Variants in OSBPL7 observed in about 807,000 individuals in gnomAD.
OSBPL7 encodes the protein oxysterol-binding protein-related protein 7.
Under a neutral mutation model 115.8 loss-of-function variants are expected in OSBPL7, and 66 were observed. That is an observed-to-expected ratio of 0.57 (90% confidence interval 0.47 to 0.70). The LOEUF is 0.70. Among genes scored for constraint, OSBPL7 ranks in the 30% least tolerant of loss-of-function variants. OSBPL7 has a pLI of 0.00. For synonymous variants in OSBPL7, 441 were observed against 439.2 expected (o/e 1.00, Z -0.05); for missense variants, 902 against 1,125.5 (o/e 0.80, Z 2.84).
chr17:47,819,918 C>CCCT, intron 3 of OSBPL7, 53 bp downstream of exon 3: 1 of 1,517,048 alleles, frequency 6.6e-7, no homozygotes, highest in Non-Finnish European at 9.1e-7. Flanking sequence ...AGCTGCCCCC[C>CCCT]ATTCCCACCC....
intron 16 of OSBPL7, 123 bp downstream of exon 16, chr17:47,813,143 C>T (rs1598016879): frequency 5.2e-6 from 7 of 1,352,696 alleles, no homozygotes; most frequent in Non-Finnish European, 7.0e-6. Context: ...GAGCCCGGCA[C>T]AGAGCCAACT....
rs1228677489 is a variant in OSBPL7 at position 47,813,934 on chromosome 17, C to G, written c.1352-100G>C. 3.5e-6 allele frequency: 5 copies of G among 1,426,708 alleles called. No homozygotes were observed. In the East Asian group the frequency reaches 1.2e-4, roughly 35 times the overall value. 88.4% of individuals were successfully genotyped at this position (1,426,708 alleles called of 1,614,324 possible). ...CAGGGCCCAGCTGCCTCCCAAGCCC[C>G]TGGGACATTCGCCCCTGAGCCCTTG... On this transcript the variant is annotated intron_variant, in intron 14 of 22. Coordinates refer to ENST00000007414, the MANE Select transcript of OSBPL7 (RefSeq NM_145798.3).
At position 47,816,612 on chromosome 17, in the gene OSBPL7, G is replaced by GGGA; in HGVS notation, c.878_879insTCC (p.Pro293dup). 1 of 1,613,788 alleles carries GGGA rather than the reference G, an allele frequency of 6.2e-7. No homozygotes were observed. The highest frequency in any genetic ancestry group is 8.5e-7 in the Non-Finnish European group (1 of 1,179,930). On this transcript the variant is annotated inframe_insertion, in exon 10 of 23. Coordinates refer to ENST00000007414, the MANE Select transcript of OSBPL7 (RefSeq NM_145798.3). The surrounding 1 kb of genome is among the most constrained non-coding windows in gnomAD (Gnocchi z 5.8). Reference sequence around the variant, plus strand: ...TGCGCTGCAGGTGGGCATAGTCTGTGGGTGGCAGCCCACGGGTGCCCGAGG... The same window carrying GGGA: ...TGCGCTGCAGGTGGGCATAGTCTGTGGGAGGTGGCAGCCCACGGGTGCCCGAGG...
At chr17:47,814,764 C>A (rs1254056562) in intron 13 of OSBPL7, 150 bp from the exon 14 acceptor site, 38 of 672,912 alleles carry the variant, frequency 5.6e-5, no homozygotes, top group South Asian at 5.3e-4. Context: ...TAAGACATTG[C>A]CCCGGGATGC....
At position 47,820,013 on chromosome 17, in the gene OSBPL7, G is replaced by A. The variant is rs1208542896; in HGVS notation, c.159C>T (p.His53=). ...EGVMPERQEG[H]LLKKRKWPLK... ...GAGGCCACTTCCTCTTCTTGAGCAG[G>A]TGACCTTCCTGCCTCTCAGGCATGA... Residue 53 remains histidine (H), a synonymous_variant, in exon 3 of 23, where the codon CAC becomes CAT. Transcript: ENST00000007414. 6.2e-7 allele frequency: 1 copy of A among 1,611,460 alleles called. No homozygotes were observed. Among genetic ancestry groups the A allele is most frequent in the Non-Finnish European group, 8.5e-7 (1 of 1,179,854 alleles).
intron 3 of OSBPL7, 59 bp downstream of exon 3, chr17:47,819,912 G>GCCCCCCCTTGCCCCCCCCC: frequency 2.7e-6 from 4 of 1,485,428 alleles, no homozygotes; most frequent in Non-Finnish European, 3.7e-6. Context: ...CCCAGCAGCT[G>GCCCCCCCTTGCCCCCCCCC]CCCCCCATTC....
Position 47,820,284 on chromosome 17 carries a change from A to C in OSBPL7, c.-6T>G. The C allele has an allele frequency of 6.2e-7, 1 of 1,613,056 alleles. No homozygotes were observed. Among genetic ancestry groups the C allele is most frequent in the Non-Finnish European group, 8.5e-7 (1 of 1,179,528 alleles). On this transcript the variant is annotated 5_prime_UTR_variant, in exon 2 of 23. Coordinates refer to ENST00000007414, the MANE Select transcript of OSBPL7 (RefSeq NM_145798.3). ...TCCCTCTCTTGGAAGTCCATGGAGA[A>C]GGGAGAGGCCACTCCCTGCTGGGGA...
intron 18 of OSBPL7, among the ~76,000 whole-genome samples, chr17:47,810,129 T>G (rs1026986021): frequency 1.3e-5 from 2 of 152,186 alleles, no homozygotes; most frequent in African/African-American, 4.8e-5. Context: ...ATCCAGGATC[T>G]CTACCACAAC....
chr17:47,813,281 G>A lies in OSBPL7; in HGVS notation c.1722C>T (p.Arg574=). The change falls in exon 16 of 23, where the codon CGC becomes CGT. Residue 574 remains arginine, a synonymous_variant. Coordinates refer to ENST00000007414, the MANE Select transcript of OSBPL7 (RefSeq NM_145798.3). ...AAGGCCATACCTGCTCACTGATGAA[G>A]CGGAAGCCTCGGTCAGGCCGCTCAC... ...YECERPDRGF[R]FISEQVSHHP... 1 of 1,614,002 alleles carries A rather than the reference G, an allele frequency of 6.2e-7. No individual in the cohort carries two copies. Among genetic ancestry groups the A allele is most frequent in the Non-Finnish European group, 8.5e-7 (1 of 1,180,036 alleles).
At chr17:47,821,027 G>A (rs1023277260) in intron 1 of OSBPL7, among the ~76,000 whole-genome samples, 33 of 152,036 alleles carry the variant, frequency 2.2e-4, no homozygotes, top group Non-Finnish European at 3.8e-4. Flanking sequence ...CAGTCCTTGG[G>A]GCTCTGAGAA....
rs1412535855 is a variant in OSBPL7 at position 47,816,247 on chromosome 17, C to T, written c.1024-45G>A. 1.3e-5 allele frequency: 20 copies of T among 1,527,020 alleles called. No homozygotes were observed. The highest frequency in any genetic ancestry group is 1.7e-5 in the Non-Finnish European group (19 of 1,128,994). 94.6% of individuals were successfully genotyped at this position (1,527,020 alleles called of 1,614,324 possible). A position where few individuals can be genotyped will look rare whatever the true frequency, so the allele number is the denominator to read the frequency against. On this transcript the variant is annotated intron_variant, in intron 11 of 22. Coordinates refer to ENST00000007414, the MANE Select transcript of OSBPL7 (RefSeq NM_145798.3). The surrounding 1 kb of genome is among the most constrained non-coding windows in gnomAD (Gnocchi z 5.8). The stretch of plus-strand genomic sequence containing the variant: ...GACACGGTGCCAGGAGGATGAGGTC[C>T]TCCCCACCTTGCCGCATCTCTGCAG...
Position 47,813,258 on chromosome 17 carries a change from G to A in OSBPL7, c.1737+8C>T. 1 of 1,613,822 alleles carries A rather than the reference G, an allele frequency of 6.2e-7. No homozygotes were observed. The highest frequency in any genetic ancestry group is 2.2e-5 in the East Asian group (1 of 44,872). On this transcript the variant is annotated splice_region_variant and intron_variant, in intron 16 of 22. Transcript: ENST00000007414. Reference sequence around the variant, plus strand: ...CCCAAGGCCAGCCCTCTTCTCCCAAGGCCATACCTGCTCACTGATGAAGCG... The same window carrying A: ...CCCAAGGCCAGCCCTCTTCTCCCAAAGCCATACCTGCTCACTGATGAAGCG...
intron 5 of OSBPL7, 152 bp downstream of exon 5, chr17:47,818,834 C>T (rs2143558857): frequency 3.8e-6 from 3 of 794,884 alleles, no homozygotes; most frequent in Non-Finnish European, 6.1e-6. Context: ...TGCAGGTTTG[C>T]CCTTGGCTGT....
Position 47,809,190 on chromosome 17 carries a change from C to T in OSBPL7, c.2056G>A (p.Val686Met). Residue 686 changes from valine to methionine, a missense_variant, in exon 20 of 23, where the codon GTG becomes ATG. Val to Met is a conservative substitution (Grantham distance 21, BLOSUM62 1). Around this residue, in one of 3 missense-constraint regions of OSBPL7, gnomAD observed 230 missense variants for 312.7 expected, o/e 0.74. Transcript: ENST00000007414. ...AKYWSSNVHEVQGAVLSRSGR... is the reference protein window; with the variant it reads ...AKYWSSNVHEMQGAVLSRSGR... ...CTCCGACTGAGCACAGCGCCCTGCACCTCGTGGACATTGGAACTCCAGTAC... is the reference window on the plus strand; with the variant it reads ...CTCCGACTGAGCACAGCGCCCTGCATCTCGTGGACATTGGAACTCCAGTAC... 1.2e-6 allele frequency: 2 copies of T among 1,614,162 alleles called. No homozygotes were observed. The highest frequency in any genetic ancestry group is 1.7e-6 in the Non-Finnish European group (2 of 1,180,028).
In OSBPL7 at chr17:47,816,634, G is replaced by A. The variant is rs1253530149; in HGVS notation, c.857C>T (p.Ser286Leu). ...TGTGGGTGGCAGCCCACGGGTGCCC[G>A]AGGAGTCCCGAGACTCCAGGTAGCG... ...LSRYLESRDSSGTRGLPPTDY... is the reference protein window; with the variant it reads ...LSRYLESRDSLGTRGLPPTDY... The change falls in exon 10 of 23, where the codon TCG becomes TTG. Residue 286 changes from serine (S) to leucine (L), a missense_variant. Ser to Leu is a moderately radical substitution (Grantham distance 145). Transcript: ENST00000007414. This position sits in a 1 kb window ranked among gnomAD's most constrained non-coding sequence, Gnocchi z 5.8. 2.5e-6 allele frequency: 4 copies of A among 1,613,976 alleles called. No individual in the cohort carries two copies. Among genetic ancestry groups the A allele is most frequent in the South Asian group, 1.1e-5 (1 of 91,070 alleles).
chr17:47,821,180 G>T (rs2033383392), intron 1 of OSBPL7, among the ~76,000 whole-genome samples: 1 of 152,202 alleles, frequency 6.6e-6, no homozygotes, highest in Non-Finnish European at 1.5e-5. Context: ...GGCCATCCTG[G>T]CTCCACCGGG....
Position 47,808,378 on chromosome 17 carries a change from C to T in OSBPL7, c.2442G>A (p.Gly814=). Residue 814 remains glycine, a synonymous_variant, in exon 23 of 23, where the codon GGG becomes GGA. Coordinates refer to ENST00000007414, the MANE Select transcript of OSBPL7 (RefSeq NM_145798.3). This position sits in a 1 kb window ranked among gnomAD's most constrained non-coding sequence, Gnocchi z 6.1. ...TATTGTTGGTCACCCACCACTCTTT[C>T]CCGCTGCTATCCGTCTGCCGCCTGG... The part of the protein sequence containing the change: ...RFFRRQTDSS[G]KEWWVTNNTY... The T allele has an allele frequency of 6.2e-7, 1 of 1,614,162 alleles. No individual in the cohort carries two copies.
chr17:47,808,551 C>G lies in OSBPL7; in HGVS notation c.2407G>C (p.Ala803Pro), dbSNP rs1252757499. Reference protein sequence around the residue: ...VMEENNIVHQARFFRRQTDSS... With the variant: ...VMEENNIVHQPRFFRRQTDSS... ...AGGCCGAGGCACCTGAAGAAGCGAG[C>G]CTGGTGTACGATGTTGTTTTCCTCC... Residue 803 changes from alanine (A) to proline (P), a missense_variant, in exon 22 of 23, where the codon GCT becomes CCT. Physicochemically the swap from Ala to Pro is conservative, Grantham distance 27. This residue lies in a region of OSBPL7 where 230 missense variants were observed against 312.7 expected (regional missense o/e 0.74). Coordinates refer to ENST00000007414, the MANE Select transcript of OSBPL7 (RefSeq NM_145798.3). This position sits in a 1 kb window ranked among gnomAD's most constrained non-coding sequence, Gnocchi z 6.1. 6.2e-7 allele frequency: 1 copy of G among 1,614,192 alleles called. No homozygotes were observed. The highest frequency in any genetic ancestry group is 1.7e-5 in the Admixed American group (1 of 60,020).
chr17:47,818,361 G>T lies in OSBPL7; in HGVS notation c.506C>A (p.Ala169Glu), dbSNP rs8071195. 1.2e-6 allele frequency: 2 copies of T among 1,614,002 alleles called. No individual in the cohort carries two copies. The highest frequency in any genetic ancestry group is 1.7e-6 in the Non-Finnish European group (2 of 1,179,946). The change falls in exon 7 of 23, where the codon GCA becomes GAA. Residue 169 changes from alanine to glutamate, a missense_variant. Physicochemically the swap from Ala to Glu is moderately radical, Grantham distance 107 (BLOSUM62 -1). Around this residue, in one of 3 missense-constraint regions of OSBPL7, gnomAD observed 667 missense variants for 788.7 expected, o/e 0.85. Transcript: ENST00000007414. ...RKVPGAQLPT[A>E]ATASALPGLG... The stretch of plus-strand genomic sequence containing the variant: ...CCCAGGTAGGGCTGAGGCAGTAGCT[G>T]CTGTTGGAAGCTGGGCACCAGGAAC...
Sources: allele counts gnomAD v4.1 joint callset (sites outside exome capture counted in the v4.1 genomes callset), GRCh38; gene constraint gnomAD v4.1.1; regional missense constraint gnomAD v4.1.1; non-coding constraint Gnocchi (gnomAD v3.1); transcripts MANE v1.5; gene names NCBI Gene and HGNC (gene_info 2026-07-23, HGNC 2026-07-21).